The following ITPR1 variants were observed in gnomAD, a reference collection of about 807,000 sequenced individuals.
The protein encoded by ITPR1 is inositol 1,4,5-trisphosphate receptor type 1, also known as inositol 1,4,5-trisphosphate-gated calcium channel ITPR1.
In ITPR1, 96 loss-of-function variants were observed where a neutral mutation model predicts 318.4. The ratio of observed to expected loss-of-function variants is 0.30; its 90% CI spans 0.26 to 0.36. ITPR1 has a LOEUF of 0.36. Ranked by LOEUF, ITPR1 falls within the 10% of genes least tolerant of loss-of-function variation. The pLI is 1.00. For missense variants in ITPR1, 2,440 were observed against 3,460.2 expected (o/e 0.71, Z 7.40); for synonymous variants, 1,312 against 1,289.9 (o/e 1.02, Z -0.37).
intron 33 of ITPR1, among the ~76,000 whole-genome samples, chr3:4,694,145 C>G (rs1332642569): frequency 6.6e-6 from 1 of 150,958 alleles, no homozygotes; most frequent in Non-Finnish European, 1.5e-5. Flanking sequence ...GAAATAATGG[C>G]CATTATAAAA....
intron 44 of ITPR1, among the ~76,000 whole-genome samples, chr3:4,737,187 G>A (rs1450930344): frequency 2.0e-5 from 3 of 152,126 alleles, no homozygotes; most frequent in Non-Finnish European, 4.4e-5. Context: ...AGCTTTACCA[G>A]TTTGAGAAAT....
chr3:4,840,029 CTTTTTTT>C lies in ITPR1; in HGVS notation c.8190+3117_8190+3123del, dbSNP rs56096727. 7.2e-3 allele frequency among the ~76,000 whole-genome samples: 758 copies of C among 104,740 alleles called. 3 individuals are homozygous for C. Among genetic ancestry groups the C allele is most frequent in the African/African-American group, 0.029 (718 of 24,794 alleles). 68.7% of individuals were successfully genotyped at this position (104,740 alleles called of 152,430 possible). A position where few individuals can be genotyped will look rare whatever the true frequency, so the allele number is the denominator to read the frequency against. On this transcript the variant is annotated intron_variant, in intron 61 of 61. Coordinates refer to ENST00000649015, the MANE Select transcript of ITPR1 (RefSeq NM_001378452.1). Reference sequence around the variant, plus strand: ...TTACAGGAAAAATTCAGCATAGCTGCTTTTTTTTTTTTTTTTTTTTTTTTTTTTTGAG... The same window carrying C: ...TTACAGGAAAAATTCAGCATAGCTGCTTTTTTTTTTTTTTTTTTTTTTGAG...
At chr3:4,518,110 T>C (rs1402719814) in intron 3 of ITPR1, among the ~76,000 whole-genome samples, 1 of 152,188 alleles carries the variant, frequency 6.6e-6, no homozygotes, top group Admixed American at 6.5e-5. Flanking sequence ...GCAGTTGCTC[T>C]CTGCAGGCCA....
At position 4,661,075 on chromosome 3, in the gene ITPR1, C is replaced by G; in HGVS notation, c.1239C>G (p.Pro413=). The stretch of plus-strand genomic sequence containing the variant: ...CTATTGACAAGGAAGAAGAAAAGCC[C>G]GTGATGCTGAAAGTAAGTCCTGGGA... ...NIPIDKEEEK[P]VMLKIGTSPV... Residue 413 remains proline, a synonymous_variant, in exon 14 of 62, where the codon CCC becomes CCG. Transcript: ENST00000649015. 1 of 1,598,994 alleles carries G rather than the reference C, an allele frequency of 6.3e-7. No homozygotes were observed. Among genetic ancestry groups the G allele is most frequent in the Non-Finnish European group, 8.6e-7 (1 of 1,166,428 alleles).
chr3:4,691,747 G>A (rs2094482020), intron 32 of ITPR1, among the ~76,000 whole-genome samples: 1 of 152,206 alleles, frequency 6.6e-6, no homozygotes, highest in Non-Finnish European at 1.5e-5. Flanking sequence ...TGCTTTTTGA[G>A]GAGCAGTTGG....
At chr3:4,505,060 G>A (rs775918415) in intron 2 of ITPR1, among the ~76,000 whole-genome samples, 11 of 151,982 alleles carry the variant, frequency 7.2e-5, no homozygotes, top group Non-Finnish European at 1.5e-4. Flanking sequence ...AAAGTGAAAC[G>A]GTGCCTTTTT....
In ITPR1 at chr3:4,768,691, C is replaced by T. The variant is rs755622700; in HGVS notation, c.5906C>T (p.Ala1969Val). 2.6e-5 allele frequency: 42 copies of T among 1,613,858 alleles called. No individual in the cohort carries two copies. The highest frequency in any genetic ancestry group is 1.6e-4 in the East Asian group (7 of 44,864). Residue 1969 changes from alanine to valine, a missense_variant, in exon 46 of 62, where the codon GCG (alanine) becomes GTG (valine). Around this residue, in one of 23 missense-constraint regions of ITPR1, gnomAD observed 113 missense variants for 103.6 expected, o/e 1.09. Transcript: ENST00000649015. ...DKAKDDLEMS[A>V]VITIMQPILR... ...GCCAAGGACGACCTGGAGATGAGCG[C>T]GGTCATCACCATCATGCAGCCCATC...
At chr3:4,768,339 G>A in intron 45 of ITPR1, 172 bp from the exon 46 acceptor site, 1 of 719,282 alleles carries the variant, frequency 1.4e-6, no homozygotes, top group Non-Finnish European at 2.2e-6. Flanking sequence ...GCCTGGCTCG[G>A]TTTTAATCCT....
intron 2 of ITPR1, among the ~76,000 whole-genome samples, chr3:4,498,732 C>T (rs1163461878): frequency 6.6e-6 from 1 of 152,178 alleles, no homozygotes; most frequent in Non-Finnish European, 1.5e-5. Context: ...GAAAGTTTGA[C>T]AAATAGGTGA....
intron 44 of ITPR1, among the ~76,000 whole-genome samples, chr3:4,736,661 G>T (rs1273199105): frequency 6.6e-6 from 1 of 152,196 alleles, no homozygotes; most frequent in Admixed American, 6.5e-5. Context: ...GTACACGTTG[G>T]GATTGCTTTT....
chr3:4,651,234 A>G (rs1345110916), intron 10 of ITPR1, among the ~76,000 whole-genome samples: 1 of 152,178 alleles, frequency 6.6e-6, no homozygotes, highest in Admixed American at 6.5e-5. Context: ...CCTTATGCAT[A>G]TGCAGTCTGA....
At chr3:4,681,478 GC>G in intron 26 of ITPR1, 60 bp downstream of exon 26, 1 of 1,146,394 alleles carries the variant, frequency 8.7e-7, no homozygotes, top group Non-Finnish European at 1.3e-6. Flanking sequence ...GCTCTCAGAG[GC>G]CTTCCCTTTA....
Position 4,768,488 on chromosome 3 carries a change from C to T in ITPR1, c.5726-23C>T, listed in dbSNP as rs373199266. ...GGCCCATGAGGACTCTGCAGCCTTT[C>T]ATGCCTTATGCTTGCTTTCTAGCTA... is the stretch of plus-strand genomic sequence containing the variant. On this transcript the variant is annotated intron_variant, in intron 45 of 61. Coordinates refer to ENST00000649015, the MANE Select transcript of ITPR1 (RefSeq NM_001378452.1). 39 of 1,587,204 alleles carry T rather than the reference C, an allele frequency of 2.5e-5. No homozygotes were observed. The Admixed American group carries it at 4.0e-4, about 16-fold the overall frequency.
In ITPR1 at chr3:4,768,598, T is replaced by A; in HGVS notation, c.5813T>A (p.Phe1938Tyr). ...GCCACCAGGAAAGCCTTCACCACTT[T>A]CAGGAGGGAGGCTGATCCCGACGAC... Reference protein sequence around the residue: ...SAATRKAFTTFRREADPDDHY... With the variant: ...SAATRKAFTTYRREADPDDHY... The change falls in exon 46 of 62, where the codon TTC (phenylalanine) becomes TAC (tyrosine). Residue 1938 changes from phenylalanine (F) to tyrosine (Y), a missense_variant. By Grantham distance (22) the Phe-to-Tyr change is conservative (BLOSUM62 3). Coordinates refer to ENST00000649015, the MANE Select transcript of ITPR1 (RefSeq NM_001378452.1). 1 of 1,613,968 alleles carries A rather than the reference T, an allele frequency of 6.2e-7. No individual in the cohort carries two copies. Among genetic ancestry groups the A allele is most frequent in the Non-Finnish European group, 8.5e-7 (1 of 1,179,866 alleles).
chr3:4,518,152 G>A (rs304009), intron 3 of ITPR1, among the ~76,000 whole-genome samples: 143,734 of 152,150 alleles, frequency 0.94, 68,407 homozygotes, highest in East Asian at 1. Flanking sequence ...TTGTCTGCCC[G>A]CAGCTCTCCC....
intron 4 of ITPR1, among the ~76,000 whole-genome samples, chr3:4,548,510 T>G (rs1374769250): frequency 6.6e-6 from 1 of 152,188 alleles, no homozygotes; most frequent in Non-Finnish European, 1.5e-5. Flanking sequence ...GAAAACAAAT[T>G]TCAGCACCTT....
At chr3:4,646,805 G>A (rs1002572834) in intron 10 of ITPR1, among the ~76,000 whole-genome samples, 4 of 152,074 alleles carry the variant, frequency 2.6e-5, no homozygotes, top group African/African-American at 9.7e-5. Flanking sequence ...CTGTGTAATT[G>A]CAGCATGAAT....
chr3:4,501,954 T>C (rs2124877545), intron 2 of ITPR1, among the ~76,000 whole-genome samples: 1 of 152,366 alleles, frequency 6.6e-6, no homozygotes, highest in Middle Eastern at 3.4e-3. Flanking sequence ...CAGAAGAAGA[T>C]GAACATAAGA....
intron 4 of ITPR1, among the ~76,000 whole-genome samples, chr3:4,594,301 C>T (rs1263328952): frequency 6.6e-6 from 1 of 152,230 alleles, no homozygotes. Flanking sequence ...AGAACTTTGC[C>T]TAAAATCCCA....
Sources: allele counts gnomAD v4.1 joint callset (sites outside exome capture counted in the v4.1 genomes callset), GRCh38; gene constraint gnomAD v4.1.1; regional missense constraint gnomAD v4.1.1; transcripts MANE v1.5; gene names NCBI Gene and HGNC (gene_info 2026-07-23, HGNC 2026-07-21).